TIMP3: variants seen among roughly 807,000 people sequenced by gnomAD.
The protein encoded by TIMP3 is metalloproteinase inhibitor 3.
TIMP3 carries 11 observed loss-of-function variants against 30.0 expected under a neutral mutation model. The observed-to-expected ratio is 0.37, with a 90% CI of 0.23 to 0.61. The LOEUF (loss-of-function observed/expected upper bound fraction) is 0.61, where lower values mean the gene tolerates loss of function less well. TIMP3 is among the 20% of genes least tolerant of loss of function. TIMP3 has a pLI of 0.70. For synonymous variants in TIMP3, 112 were observed against 111.3 expected, an observed-to-expected ratio of 1.01 and a Z score of -0.04; for missense variants, 181 against 276.8, an observed-to-expected ratio of 0.65 and a Z score of 2.45.
chr22:32,843,170 C>T (rs982260211), intron 1 of TIMP3, among the ~76,000 whole-genome samples: 1 of 152,134 alleles, frequency 6.6e-6, no homozygotes, highest in Non-Finnish European at 1.5e-5. Context: ...ACATTAACAG[C>T]CACAACAGTA....
intron 1 of TIMP3, among the ~76,000 whole-genome samples, chr22:32,835,294 C>T (rs937677790): frequency 3.9e-5 from 6 of 152,062 alleles, no homozygotes; most frequent in African/African-American, 9.7e-5. Context: ...TGAGATGTTG[C>T]GGTTAGATAC....
Position 32,854,273 on chromosome 22 carries a change from G to A in TIMP3, c.205-2976G>A, listed in dbSNP as rs559329859. ...GTCATTTGTAATGTGTCAGAATTTCGACTCTAGGCAAGTGCTAGGAGCTAA... is the reference window on the plus strand; with the variant it reads ...GTCATTTGTAATGTGTCAGAATTTCAACTCTAGGCAAGTGCTAGGAGCTAA... On this transcript the variant is annotated intron_variant, in intron 2 of 4. Coordinates refer to ENST00000266085, the MANE Select transcript of TIMP3 (RefSeq NM_000362.5). 1.8e-4 allele frequency among the ~76,000 whole-genome samples: 27 copies of A among 152,230 alleles called. No individual in the cohort carries two copies. The South Asian group carries it at 4.8e-3, about 27-fold the overall frequency.
chr22:32,817,217 C>CA (rs130285), intron 1 of TIMP3, among the ~76,000 whole-genome samples: 2,521 of 144,668 alleles, frequency 0.017, 47 homozygotes, highest in African/African-American at 0.044. Flanking sequence ...GACTCTATCT[C>CA]AAAAAAAAAA....
At chr22:32,845,766 C>G (rs1336137321) in intron 1 of TIMP3, among the ~76,000 whole-genome samples, 1 of 152,162 alleles carries the variant, frequency 6.6e-6, no homozygotes, top group Non-Finnish European at 1.5e-5. Context: ...GAAGGAATGG[C>G]TAGACATGCT....
intron 1 of TIMP3, among the ~76,000 whole-genome samples, chr22:32,821,750 C>T (rs1308044574): frequency 6.6e-6 from 1 of 152,206 alleles, no homozygotes; most frequent in Admixed American, 6.5e-5. Context: ...CCACGTAGCT[C>T]CTCTTGTCAC....
intron 2 of TIMP3, among the ~76,000 whole-genome samples, chr22:32,850,734 G>A (rs956552129): frequency 6.6e-6 from 1 of 152,154 alleles, no homozygotes; most frequent in Non-Finnish European, 1.5e-5. Flanking sequence ...ATTAGGGTAG[G>A]ACCTGGCATG....
At chr22:32,841,762 T>C (rs191307222) in intron 1 of TIMP3, among the ~76,000 whole-genome samples, 63 of 152,190 alleles carry the variant, frequency 4.1e-4, no homozygotes, top group Admixed American at 7.8e-4. Flanking sequence ...GATGGGTTGA[T>C]AGGTGCAGCA....
At chr22:32,852,558 G>T (rs548694379) in intron 2 of TIMP3, among the ~76,000 whole-genome samples, 6 of 152,290 alleles carry the variant, frequency 3.9e-5, no homozygotes, top group South Asian at 4.1e-4. Flanking sequence ...CAGAAGGGGT[G>T]AGCAAGGGCT....
intron 1 of TIMP3, chr22:32,833,749 C>T (rs1288742754): frequency 6.1e-6 from 3 of 495,826 alleles, no homozygotes; most frequent in Non-Finnish European, 1.2e-5. Context: ...TTCTTCTTTA[C>T]AGGCCTCGAT....
chr22:32,811,230 G>A (rs1191092620), intron 1 of TIMP3, among the ~76,000 whole-genome samples: 3 of 152,112 alleles, frequency 2.0e-5, no homozygotes, highest in Non-Finnish European at 4.4e-5. Flanking sequence ...GCAGACTGAG[G>A]GGGGCCCCAA....
intron 1 of TIMP3, among the ~76,000 whole-genome samples, chr22:32,833,630 G>A (rs1298410034): frequency 6.6e-6 from 1 of 152,184 alleles, no homozygotes; most frequent in Non-Finnish European, 1.5e-5. Context: ...ATGTCCTTCT[G>A]GAAGGCAGGT....
At chr22:32,802,404 G>GA (rs1477330170) in intron 1 of TIMP3, among the ~76,000 whole-genome samples, 1 of 152,074 alleles carries the variant, frequency 6.6e-6, no homozygotes, top group Non-Finnish European at 1.5e-5. Context: ...TTGACATCTG[G>GA]AAAATGTCCC....
chr22:32,808,182 C>T (rs1166215537), intron 1 of TIMP3, among the ~76,000 whole-genome samples: 1 of 152,218 alleles, frequency 6.6e-6, no homozygotes. Context: ...TTTATTACAC[C>T]AAGTTGTTTG....
At position 32,840,566 on chromosome 22, in the gene TIMP3, G is replaced by T. The variant is rs539681860; in HGVS notation, c.122-8886G>T. ...GGGTCATCATCTTCCTGGAAAGGCG[G>T]GAGATCGGCTCTGGCTTTGCTCAGA... is the stretch of plus-strand genomic sequence containing the variant. On this transcript the variant is annotated intron_variant, in intron 1 of 4. Transcript: ENST00000266085. Among the ~76,000 whole-genome samples the T allele has an allele frequency of 3.8e-3, 571 of 152,134 alleles. 2 individuals are homozygous for T. The highest frequency in any genetic ancestry group is 0.013 in the African/African-American group (542 of 41,500).
chr22:32,833,686 G>A (rs576869529), intron 1 of TIMP3, among the ~76,000 whole-genome samples: 257 of 152,292 alleles, frequency 1.7e-3, no homozygotes, highest in Non-Finnish European at 2.5e-3. Context: ...AGGCTGCCTG[G>A]ACTGGCATGC....
At chr22:32,829,559 G>A (rs923677504) in intron 1 of TIMP3, among the ~76,000 whole-genome samples, 4 of 152,228 alleles carry the variant, frequency 2.6e-5, no homozygotes, top group South Asian at 2.1e-4. Flanking sequence ...CTCCTGTTTC[G>A]TGAAAAACGG....
chr22:32,849,590 G>C, intron 2 of TIMP3, 56 bp downstream of exon 2: 2 of 1,526,880 alleles, frequency 1.3e-6, no homozygotes, highest in African/African-American at 2.7e-5. Flanking sequence ...TGCCAGAAGA[G>C]TCCTGGCTAA....
At chr22:32,813,429 CA>C (rs2046965737) in intron 1 of TIMP3, among the ~76,000 whole-genome samples, 3 of 150,938 alleles carry the variant, frequency 2.0e-5, no homozygotes. Context: ...GCCAGATTTC[CA>C]GTCTCTTAGG....
Position 32,860,531 on chromosome 22 carries a change from CA to C in TIMP3, c.*1155del, listed in dbSNP as rs2048505584. On this transcript the variant is annotated 3_prime_UTR_variant, in exon 5 of 5. Coordinates refer to ENST00000266085, the MANE Select transcript of TIMP3 (RefSeq NM_000362.5). ...AGAAAATCATGACATTCCAAGTTGA[CA>C]TTTTTTTTTCATTTTAATTAAAATT... 1 of 152,714 alleles carries C rather than the reference CA, an allele frequency of 6.5e-6. No homozygotes were observed. Among genetic ancestry groups the C allele is most frequent in the South Asian group, 2.1e-4 (1 of 4,832 alleles). 9.5% of individuals were successfully genotyped at this position (152,714 alleles called of 1,614,324 possible). A position where few individuals can be genotyped will look rare whatever the true frequency, so the allele number is the denominator to read the frequency against.
Sources: allele counts gnomAD v4.1 joint callset (sites outside exome capture counted in the v4.1 genomes callset), GRCh38; gene constraint gnomAD v4.1.1; transcripts MANE v1.5; gene names NCBI Gene and HGNC (gene_info 2026-07-23, HGNC 2026-07-21).